Variants in GLRA3 observed in about 807,000 individuals in gnomAD.
The protein encoded by GLRA3 is glycine receptor subunit alpha-3.
Under a neutral mutation model 60.4 loss-of-function variants are expected in GLRA3, and 44 were observed. The observed-to-expected ratio is 0.73, with a 90% confidence interval of 0.57 to 0.94. The LOEUF is 0.94. Ranked by LOEUF, GLRA3 falls within the 40% of genes least tolerant of loss-of-function variation. The pLI is 0.00. For synonymous variants in GLRA3, 223 were observed against 192.9 expected, an observed-to-expected ratio of 1.16 and a Z score of -1.29; for missense variants, 508 against 564.6, an observed-to-expected ratio of 0.90 and a Z score of 1.02.
rs909816874 is a variant in GLRA3, at chr4:174,642,259, T to C, written c.*1527A>G. On this transcript the variant is annotated 3_prime_UTR_variant, in exon 10 of 10. Coordinates refer to ENST00000274093, the MANE Select transcript of GLRA3 (RefSeq NM_006529.4). The stretch of plus-strand genomic sequence containing the variant: ...GTAGTTTTTGCTTTTAATTTGAAAG[T>C]GGTTGAAGGGTAGAAAATAGCATCT... The C allele has an allele frequency of 3.2e-6, 3 of 934,494 alleles. No individual in the cohort carries two copies. The highest frequency in any genetic ancestry group is 1.2e-4 in the East Asian group (1 of 8,548). 57.9% of individuals were successfully genotyped at this position (934,494 alleles called of 1,614,324 possible). A position where few individuals can be genotyped will look rare whatever the true frequency, so the allele number is the denominator to read the frequency against.
At position 174,640,533 on chromosome 4, in the gene GLRA3, A is replaced by G. The variant is rs1732601311; in HGVS notation, c.*3253T>C. ...AAAAAATGTTCAGAAAAAGGGATGT[A>G]TAGTATGGAAGATACATCTAAATCT... On this transcript the variant is annotated 3_prime_UTR_variant, in exon 10 of 10. Transcript: ENST00000274093. The G allele has an allele frequency of 6.6e-6, 1 of 152,156 alleles. No homozygotes were observed. Among genetic ancestry groups the G allele is most frequent in the African/African-American group, 2.4e-5 (1 of 41,466 alleles). 9.4% of individuals were successfully genotyped at this position (152,156 alleles called of 1,614,324 possible). A position where few individuals can be genotyped will look rare whatever the true frequency, so the allele number is the denominator to read the frequency against.
intron 1 of GLRA3, among the ~76,000 whole-genome samples, chr4:174,798,489 G>A (rs1739660416): frequency 6.6e-6 from 1 of 152,158 alleles, no homozygotes; most frequent in Admixed American, 6.5e-5. Context: ...GGGAATATGT[G>A]ATGTTTCGAG....
intron 1 of GLRA3, among the ~76,000 whole-genome samples, chr4:174,824,201 T>G (rs1740864749): frequency 6.6e-6 from 1 of 152,182 alleles, no homozygotes; most frequent in Admixed American, 6.5e-5. Context: ...TCCTCTACTA[T>G]ATTTCAGTAT....
intron 7 of GLRA3, among the ~76,000 whole-genome samples, chr4:174,665,753 G>A (rs1733643750): frequency 6.6e-6 from 1 of 152,092 alleles, no homozygotes; most frequent in South Asian, 2.1e-4. Flanking sequence ...ACAAAGGCCA[G>A]ACCTTATGCA....
Position 174,656,800 on chromosome 4 carries a change from A to G in GLRA3, c.1072-13T>C. 3.3e-6 allele frequency: 5 copies of G among 1,522,792 alleles called. No homozygotes were observed. The highest frequency in any genetic ancestry group is 4.6e-6 in the Non-Finnish European group (5 of 1,097,092). 94.3% of individuals were successfully genotyped at this position (1,522,792 alleles called of 1,614,324 possible). A position where few individuals can be genotyped will look rare whatever the true frequency, so the allele number is the denominator to read the frequency against. ...CAAAAGCTTCTGTCTGTGGGAAGGTAAAGTGGACCAAGAGGAATTGAGAAA... is the reference window on the plus strand; with the variant it reads ...CAAAAGCTTCTGTCTGTGGGAAGGTGAAGTGGACCAAGAGGAATTGAGAAA... On this transcript the variant is annotated splice_polypyrimidine_tract_variant and intron_variant, in intron 8 of 9. Coordinates refer to ENST00000274093, the MANE Select transcript of GLRA3 (RefSeq NM_006529.4).
intron 5 of GLRA3, among the ~76,000 whole-genome samples, chr4:174,708,811 C>CTT (rs140269294): frequency 0.16 from 21,060 of 134,694 alleles, 1,614 homozygotes; most frequent in East Asian, 0.2. Context: ...TCCTTCCTGG[C>CTT]TTTTTTTTTT....
At chr4:174,742,475 T>C (rs1579536896) in intron 3 of GLRA3, among the ~76,000 whole-genome samples, 1 of 152,254 alleles carries the variant, frequency 6.6e-6, no homozygotes. Context: ...GGAAAGAGAA[T>C]TGCAAAAATA....
chr4:174,819,332 C>G (rs1740641328), intron 1 of GLRA3, among the ~76,000 whole-genome samples: 1 of 152,154 alleles, frequency 6.6e-6, no homozygotes, highest in Admixed American at 6.6e-5. Flanking sequence ...AGATTTTCCC[C>G]AGCAGCTAGT....
At chr4:174,731,125 G>T (rs929382103) in intron 3 of GLRA3, among the ~76,000 whole-genome samples, 4 of 152,126 alleles carry the variant, frequency 2.6e-5, no homozygotes, top group Non-Finnish European at 5.9e-5. Flanking sequence ...GAAAACCTTA[G>T]AAACTAAGAT....
At chr4:174,732,226 G>A (rs541002096) in intron 3 of GLRA3, among the ~76,000 whole-genome samples, 139 of 147,442 alleles carry the variant, frequency 9.4e-4, no homozygotes, top group Non-Finnish European at 1.4e-3. Flanking sequence ...GTGGTGGCGT[G>A]CGCCTGTAGT....
intron 2 of GLRA3, among the ~76,000 whole-genome samples, chr4:174,782,338 A>G (rs1318586878): frequency 6.6e-6 from 1 of 151,980 alleles, no homozygotes; most frequent in East Asian, 1.9e-4. Context: ...AGAGCTATCT[A>G]TGACAAACCC....
chr4:174,745,049 A>T (rs2111180029), intron 3 of GLRA3, among the ~76,000 whole-genome samples: 1 of 152,344 alleles, frequency 6.6e-6, no homozygotes, highest in Middle Eastern at 3.4e-3. Context: ...ACTGAATCTA[A>T]CAGAAGAAAG....
chr4:174,687,381 T>G (rs1734586831), intron 5 of GLRA3, among the ~76,000 whole-genome samples: 1 of 152,140 alleles, frequency 6.6e-6, no homozygotes, highest in Admixed American at 6.6e-5. Flanking sequence ...AAATGGGAAG[T>G]CTGCACAAAA....
In GLRA3 at chr4:174,671,666, T is replaced by C. The variant is rs958191391; in HGVS notation, c.927+5412A>G. On this transcript the variant is annotated intron_variant, in intron 7 of 9. Transcript: ENST00000274093. ...ATTTTTCTTATTTTTTATTATTTTT[T>C]TGAGACAGAGTCTCATTCTGTCACC... Among the ~76,000 whole-genome samples the C allele has an allele frequency of 1.2e-4, 18 of 152,206 alleles. 1 individual carries two copies. Among genetic ancestry groups the C allele is most frequent in the African/African-American group, 4.1e-4 (17 of 41,448 alleles).
chr4:174,798,837 C>G (rs944917665), intron 1 of GLRA3, among the ~76,000 whole-genome samples: 1 of 151,936 alleles, frequency 6.6e-6, no homozygotes, highest in East Asian at 1.9e-4. Context: ...GGCAGAATGC[C>G]GTGAACCCGG....
chr4:174,669,064 T>A (rs1733801128), intron 7 of GLRA3, among the ~76,000 whole-genome samples: 1 of 152,028 alleles, frequency 6.6e-6, no homozygotes, highest in Non-Finnish European at 1.5e-5. Context: ...CTGCTTGTGT[T>A]ATGCCTTGTT....
At chr4:174,684,405 T>C (rs1734473455) in intron 5 of GLRA3, among the ~76,000 whole-genome samples, 2 of 152,184 alleles carry the variant, frequency 1.3e-5, no homozygotes, top group South Asian at 4.1e-4. Context: ...TTGCACATAA[T>C]ATCAGGGAAT....
At chr4:174,816,812 G>A (rs1048055981) in intron 1 of GLRA3, among the ~76,000 whole-genome samples, 1 of 150,790 alleles carries the variant, frequency 6.6e-6, no homozygotes, top group Non-Finnish European at 1.5e-5. Context: ...CCAAATTCTT[G>A]GCATGCTTTA....
intron 2 of GLRA3, among the ~76,000 whole-genome samples, chr4:174,778,889 G>T (rs1428795665): frequency 6.6e-6 from 1 of 152,346 alleles, no homozygotes; most frequent in African/African-American, 2.4e-5. Context: ...CAGTGAGGCT[G>T]GGGGAGGGGC....
Sources: allele counts gnomAD v4.1 joint callset (sites outside exome capture counted in the v4.1 genomes callset), GRCh38; gene constraint gnomAD v4.1.1; transcripts MANE v1.5; gene names NCBI Gene and HGNC (gene_info 2026-07-23, HGNC 2026-07-21).